Variants in CDK15 observed in about 807,000 individuals in gnomAD.
CDK15 encodes cyclin-dependent kinase 15.
A neutral mutation model predicts 60.3 loss-of-function variants in CDK15; 62 were observed. The observed-to-expected ratio is 1.03, with a 90% CI of 0.84 to 1.27. The LOEUF is 1.27. Among genes scored for constraint, CDK15 ranks in the 50% most tolerant of loss-of-function variants. The pLI is 0.00. For synonymous variants in CDK15, 194 were observed against 195.7 expected (o/e 0.99, Z 0.07); for missense variants, 541 against 527.8 (o/e 1.03, Z -0.25).
chr2:201,813,653 G>C (rs1043123951), intron 4 of CDK15, among the ~76,000 whole-genome samples: 2 of 152,222 alleles, frequency 1.3e-5, no homozygotes, highest in Non-Finnish European at 2.9e-5. Flanking sequence ...ACTAAGATGA[G>C]AGCAAGTTAG....
chr2:201,888,362 A>G, intron 12 of CDK15: 1 of 1,483,020 alleles, frequency 6.7e-7, no homozygotes, highest in East Asian at 2.5e-5. Flanking sequence ...AAGAATCTAA[A>G]AGTTTTAAAT....
At chr2:201,866,416 G>A (rs1039352676) in intron 10 of CDK15, among the ~76,000 whole-genome samples, 2 of 152,014 alleles carry the variant, frequency 1.3e-5, no homozygotes, top group South Asian at 2.1e-4. Context: ...AAAAATGGAC[G>A]GTTTTTACTA....
At chr2:201,848,739 G>A (rs759178824) in intron 9 of CDK15, among the ~76,000 whole-genome samples, 3 of 152,118 alleles carry the variant, frequency 2.0e-5, no homozygotes, top group Admixed American at 6.5e-5. Context: ...TTAAATCGGC[G>A]GGGTGCAGGG....
At chr2:201,811,716 C>A (rs531861320) in intron 3 of CDK15, among the ~76,000 whole-genome samples, 1 of 152,216 alleles carries the variant, frequency 6.6e-6, no homozygotes, top group Non-Finnish European at 1.5e-5. Flanking sequence ...CTTAGAAGCC[C>A]GCTGCAAGAA....
In CDK15 at chr2:201,865,929, G is replaced by A. The variant is rs1299406527; in HGVS notation, c.1010-6349G>A. ...AAAAAAAAAAAAAAAAGCTTGGGAAGCCTTGAGCCAAATACTAGAGAAACT... is the reference window on the plus strand; with the variant it reads ...AAAAAAAAAAAAAAAAGCTTGGGAAACCTTGAGCCAAATACTAGAGAAACT... On this transcript the variant is annotated intron_variant, in intron 10 of 13. Transcript: ENST00000652192. Among the ~76,000 whole-genome samples, 7 of 138,078 alleles carry A rather than the reference G, an allele frequency of 5.1e-5. No individual in the cohort carries two copies. The East Asian group carries it at 6.3e-4, about 12-fold the overall frequency. 90.6% of individuals were successfully genotyped at this position (138,078 alleles called of 152,430 possible).
At position 201,888,503 on chromosome 2, in the gene CDK15, A is replaced by G. The variant is rs1053207019; in HGVS notation, c.1199-2282A>G. On this transcript the variant is annotated intron_variant, in intron 12 of 13. Transcript: ENST00000652192. ...ATTATGCTGTCAGCCTCGGGAAGCT[A>G]ATGAGGAGTCACCAGAGTGGAAGGT... is the stretch of plus-strand genomic sequence containing the variant. 5.2e-6 allele frequency: 8 copies of G among 1,534,160 alleles called. No individual in the cohort carries two copies. In the African/African-American group the frequency reaches 8.2e-5, roughly 16 times the overall value.
chr2:201,856,863 T>C (rs1171009198), intron 10 of CDK15, among the ~76,000 whole-genome samples: 1 of 152,164 alleles, frequency 6.6e-6, no homozygotes, highest in African/African-American at 2.4e-5. Flanking sequence ...ACAAAATGTC[T>C]TGGTGAGAGC....
At position 201,833,914 on chromosome 2, in the gene CDK15, C is replaced by T. The variant is rs753474054; in HGVS notation, c.673C>T (p.Leu225=). 1.9e-6 allele frequency: 3 copies of T among 1,613,966 alleles called. No homozygotes were observed. The highest frequency in any genetic ancestry group is 2.5e-6 in the Non-Finnish European group (3 of 1,179,974). The change falls in exon 7 of 14, where the codon CTG becomes TTG. Residue 225 remains leucine, a synonymous_variant. Transcript: ENST00000652192. The part of the protein sequence containing the change: ...IHHQHVLHRD[L]KPQNLLISHL... ...CCACCAACACGTTCTTCACAGGGAC[C>T]TGAAACCTCAGAACTTACTCATCAG...
chr2:201,879,343 G>A (rs1699189449), intron 11 of CDK15, among the ~76,000 whole-genome samples: 1 of 152,112 alleles, frequency 6.6e-6, no homozygotes, highest in Non-Finnish European at 1.5e-5. Context: ...CCAGATTTCT[G>A]TGCTTGCCAC....
chr2:201,880,653 G>C (rs1437616837), intron 12 of CDK15, among the ~76,000 whole-genome samples: 2 of 152,202 alleles, frequency 1.3e-5, no homozygotes, highest in Non-Finnish European at 2.9e-5. Flanking sequence ...GTGGGGTGCT[G>C]GGGGAAGGGA....
intron 4 of CDK15, among the ~76,000 whole-genome samples, chr2:201,813,207 A>G (rs984400166): frequency 1.3e-5 from 2 of 152,202 alleles, no homozygotes; most frequent in African/African-American, 4.8e-5. Flanking sequence ...TATGTATATA[A>G]AGCACTTATC....
intron 11 of CDK15, among the ~76,000 whole-genome samples, chr2:201,877,493 T>C (rs1699121702): frequency 6.6e-6 from 1 of 152,192 alleles, no homozygotes; most frequent in South Asian, 2.1e-4. Flanking sequence ...GGGCCAAATT[T>C]TGGCACAAAC....
intron 11 of CDK15, among the ~76,000 whole-genome samples, chr2:201,878,133 C>T (rs910750716): frequency 2.3e-4 from 35 of 152,164 alleles, no homozygotes; most frequent in Admixed American, 1.3e-4. Flanking sequence ...ATCAGCTGCC[C>T]GCTGGGATAT....
intron 10 of CDK15, among the ~76,000 whole-genome samples, chr2:201,859,802 C>T (rs745629028): frequency 6.6e-6 from 1 of 152,112 alleles, no homozygotes; most frequent in South Asian, 2.1e-4. Flanking sequence ...TTCTCAAATT[C>T]CCTTTAAATA....
Position 201,806,787 on chromosome 2 carries a change from G to A in CDK15, c.123G>A (p.Lys41=), listed in dbSNP as rs779138761. 3 of 1,598,356 alleles carry A rather than the reference G, an allele frequency of 1.9e-6. No individual in the cohort carries two copies. In the East Asian group the frequency reaches 6.7e-5, roughly 36 times the overall value. The change falls in exon 1 of 14, where the codon AAG becomes AAA. Residue 41 remains lysine (K), a splice_region_variant and synonymous_variant. Transcript: ENST00000652192. ...SQPETTEAAF[K]LTDLKEASCS... ...CTGAGACCACGGAGGCTGCGTTCAA[G>A]GTATTTGTATCCCAGGAGAGAGCAT...
chr2:201,813,349 G>A (rs1218462532), intron 4 of CDK15, among the ~76,000 whole-genome samples: 1 of 152,152 alleles, frequency 6.6e-6, no homozygotes, highest in Admixed American at 6.5e-5. Flanking sequence ...CCAACATAGT[G>A]AAATGAATCA....
At position 201,861,307 on chromosome 2, in the gene CDK15, G is replaced by C. The variant is rs937696232; in HGVS notation, c.1009+6370G>C. 5.0e-6 allele frequency: 5 copies of C among 990,274 alleles called. No homozygotes were observed. The East Asian group carries it at 5.5e-4, about 110-fold the overall frequency. The allele number at this position is 990,274 out of a possible 1,614,324, so 61.3% of individuals were successfully genotyped here. A position where few individuals can be genotyped will look rare whatever the true frequency, so the allele number is the denominator to read the frequency against. ...GCCAAGATCGATGCTGGGTGGAGTA[G>C]CCCGATTCTACAGATGAGGAAACAG... On this transcript the variant is annotated intron_variant, in intron 10 of 13. Coordinates refer to ENST00000652192, the MANE Select transcript of CDK15 (RefSeq NM_001366386.2).
intron 6 of CDK15, 84 bp downstream of exon 6, chr2:201,823,811 C>T (rs993203623): frequency 8.8e-7 from 1 of 1,136,694 alleles, no homozygotes; most frequent in Non-Finnish European, 1.3e-6. Flanking sequence ...AAAGCAAAGT[C>T]CTATGATACT....
At chr2:201,891,193 G>A (rs1431016700) in intron 13 of CDK15, among the ~76,000 whole-genome samples, 1 of 152,202 alleles carries the variant, frequency 6.6e-6, no homozygotes, top group Non-Finnish European at 1.5e-5. Context: ...CCTCATCGGT[G>A]TGAGATCTTC....
Sources: gnomAD v4.1 joint callset for allele counts (sites outside exome capture counted in the v4.1 genomes callset) on GRCh38, gnomAD v4.1.1 for gene constraint, MANE v1.5 for transcripts, NCBI Gene and HGNC (gene_info 2026-07-23, HGNC 2026-07-21) for gene names.